The following MICAL1 variants were observed in gnomAD, a reference collection of about 807,000 sequenced individuals.
MICAL1 encodes microtubule associated monooxygenase, calponin and LIM domain containing 1, also known as [F-actin]-monooxygenase MICAL1.
Under a neutral mutation model 131.8 loss-of-function variants are expected in MICAL1, and 95 were observed. The ratio of observed to expected loss-of-function variants is 0.72; its 90% CI spans 0.61 to 0.86. The LOEUF (loss-of-function observed/expected upper bound fraction) is 0.86. Among genes scored for constraint, MICAL1 ranks in the 40% least tolerant of loss-of-function variants. The pLI is 0.00. For missense variants in MICAL1, 1,292 were observed against 1,380.6 expected, an observed-to-expected ratio of 0.94 and a Z score of 1.02; for synonymous variants, 546 against 554.2, an observed-to-expected ratio of 0.99 and a Z score of 0.21.
At chr6:109,458,595 CA>C (rs1481230427), upstream of MICAL1, among the ~76,000 whole-genome samples, 166 of 151,032 alleles carry the variant, frequency 1.1e-3, 3 homozygotes, top group Non-Finnish European at 2.4e-4. Flanking sequence ...AAACTCCGTC[CA>C]AAAAAAGAAA....
chr6:109,447,995 G>A, intron 13 of MICAL1, 32 bp from the exon 14 acceptor site: 1 of 1,568,372 alleles, frequency 6.4e-7, no homozygotes, highest in Non-Finnish European at 8.7e-7. Context: ...CAGTGTGGAT[G>A]GGGGGTGCCA....
At chr6:109,444,567 G>C (rs549135699) in intron 24 of MICAL1, among the ~76,000 whole-genome samples, 158 bp downstream of exon 24, 1 of 152,338 alleles carries the variant, frequency 6.6e-6, no homozygotes, top group East Asian at 1.9e-4. Flanking sequence ...TTGAACTGAA[G>C]TGAGAAGGGG....
rs1775310490 is a variant in MICAL1 at position 109,447,931 on chromosome 6, T to C, written c.1888A>G (p.Ser630Gly). The change falls in exon 14 of 25, where the codon AGT (serine) becomes GGT (glycine). Residue 630 changes from serine to glycine, a missense_variant. By Grantham distance (56) the Ser-to-Gly change is moderately conservative. Coordinates refer to ENST00000358807, the MANE Select transcript of MICAL1 (RefSeq NM_022765.4). ...PVSQASPGTS[S>G]AVLFLSKLQR... Reference sequence around the variant, plus strand: ...AGTTTACTAAGGAATAATACAGCACTGGAGGTCCCTGGGGAGGCCTGGCTG... The same window carrying C: ...AGTTTACTAAGGAATAATACAGCACCGGAGGTCCCTGGGGAGGCCTGGCTG... The C allele has an allele frequency of 6.2e-7, 1 of 1,612,482 alleles. No homozygotes were observed. The highest frequency in any genetic ancestry group is 8.5e-7 in the Non-Finnish European group (1 of 1,179,254).
rs772465404 is a variant in MICAL1 at position 109,451,670 on chromosome 6, T to C, written c.863A>G (p.Lys288Arg). The change falls in exon 7 of 25, where the codon AAG becomes AGG. Residue 288 changes from lysine (K) to arginine (R), a missense_variant. Coordinates refer to ENST00000358807, the MANE Select transcript of MICAL1 (RefSeq NM_022765.4). ...GIDLENIVYYKDDTHYFVMTA... is the reference protein window; with the variant it reads ...GIDLENIVYYRDDTHYFVMTA... ...CATCACAAAGTAGTGGGTGTCGTCC[T>C]TGTAGTACACAATGTTCTCCAGATC... 6.2e-7 allele frequency: 1 copy of C among 1,614,042 alleles called. No homozygotes were observed. The highest frequency in any genetic ancestry group is 1.1e-5 in the South Asian group (1 of 91,090).
At position 109,446,787 on chromosome 6, in the gene MICAL1, G is replaced by A; in HGVS notation, c.2228-15C>T. ...GTAGAAATGTCCTGGAAAGGGTAGA[G>A]AGGGGAGGAGGCATTTGGTGTGGGC... On this transcript the variant is annotated splice_polypyrimidine_tract_variant and intron_variant, in intron 17 of 24. Coordinates refer to ENST00000358807, the MANE Select transcript of MICAL1 (RefSeq NM_022765.4). 6.2e-7 allele frequency: 1 copy of A among 1,610,634 alleles called. No individual in the cohort carries two copies. Among genetic ancestry groups the A allele is most frequent in the South Asian group, 1.1e-5 (1 of 90,550 alleles).
chr6:109,452,021 A>T, intron 6 of MICAL1: 1 of 1,406,820 alleles, frequency 7.1e-7, no homozygotes, highest in Non-Finnish European at 9.2e-7. Context: ...ACTCCCATAC[A>T]CAGGTTCATC....
At chr6:109,462,225 G>C (rs921218462) in intron 1 of MICAL1, among the ~76,000 whole-genome samples, 1 of 152,166 alleles carries the variant, frequency 6.6e-6, no homozygotes, top group African/African-American at 2.4e-5. Flanking sequence ...ATACAGGCAG[G>C]GGAAGACAAC....
At chr6:109,453,199 T>C (rs1775611053) in intron 4 of MICAL1, 64 bp downstream of exon 4, 1 of 1,365,478 alleles carries the variant, frequency 7.3e-7, no homozygotes, top group Admixed American at 1.7e-5. Context: ...CCCATCCTTT[T>C]TCAGACACTG....
At chr6:109,460,682 G>C (rs1775864327), upstream of MICAL1, among the ~76,000 whole-genome samples, 1 of 152,050 alleles carries the variant, frequency 6.6e-6, no homozygotes, top group Admixed American at 6.6e-5. Context: ...GGCAAGGCAA[G>C]CAGATTTTTC....
upstream of MICAL1, among the ~76,000 whole-genome samples, chr6:109,456,710 T>A (rs749506844): frequency 2.0e-5 from 3 of 152,218 alleles, no homozygotes; most frequent in Non-Finnish European, 2.9e-5. Flanking sequence ...GTCCAGTCTT[T>A]TAGCTAGTTA....
rs1775374359 is a variant in MICAL1, at chr6:109,448,831, G to A, written c.1565C>T (p.Thr522Ile). 2.5e-6 allele frequency: 4 copies of A among 1,613,914 alleles called. No individual in the cohort carries two copies. The highest frequency in any genetic ancestry group is 1.1e-5 in the South Asian group (1 of 91,096). ...EELLRWCQEQ[T>I]AGYPGVHVSD... ...GACGTGGACTCCCGGGTACCCAGCT[G>A]TCTGCTCCTGGCACCAGCGTAGCAG... Residue 522 changes from threonine (T) to isoleucine (I), a missense_variant, in exon 12 of 25, where the codon ACA becomes ATA. Coordinates refer to ENST00000358807, the MANE Select transcript of MICAL1 (RefSeq NM_022765.4).
chr6:109,447,502 G>A (rs1472997378), intron 15 of MICAL1, 62 bp from the exon 16 acceptor site: 29 of 1,554,162 alleles, frequency 1.9e-5, no homozygotes, highest in Admixed American at 3.4e-5. Flanking sequence ...GAGGGGATGC[G>A]TACAGATGAA....
In MICAL1 at chr6:109,444,095, AG is replaced by A; in HGVS notation, c.*95del. 1 of 1,521,460 alleles carries A rather than the reference AG, an allele frequency of 6.6e-7. No homozygotes were observed. Among genetic ancestry groups the A allele is most frequent in the Admixed American group, 2.1e-5 (1 of 46,704 alleles). 94.2% of individuals were successfully genotyped at this position (1,521,460 alleles called of 1,614,324 possible). ...AGAAACATTTTAATTGTAAACAGCAAGGCTCTCTGCCAGGCAGCCCAGATGA... is the reference window on the plus strand; with the variant it reads ...AGAAACATTTTAATTGTAAACAGCAAGCTCTCTGCCAGGCAGCCCAGATGA... On this transcript the variant is annotated 3_prime_UTR_variant, in exon 25 of 25. Transcript: ENST00000358807.
At chr6:109,445,925 G>C (rs1775196563) in intron 19 of MICAL1, 63 bp from the exon 20 acceptor site, 1 of 1,557,262 alleles carries the variant, frequency 6.4e-7, no homozygotes, top group Non-Finnish European at 8.7e-7. Flanking sequence ...GCAACAAAGA[G>C]CATGGTGGTG....
chr6:109,446,465 A>C, intron 18 of MICAL1, 53 bp from the exon 19 acceptor site: 1 of 756,062 alleles, frequency 1.3e-6, no homozygotes, highest in Non-Finnish European at 1.9e-6. Context: ...ACCCCTTCGG[A>C]GCAAAGGTGA....
chr6:109,445,392 A>T (rs758884228), intron 21 of MICAL1, 24 bp downstream of exon 21: 20 of 1,613,810 alleles, frequency 1.2e-5, no homozygotes, highest in Non-Finnish European at 1.5e-5. Flanking sequence ...CCCCATCAGA[A>T]TTTTGGGAAC....
At chr6:109,446,961 C>G in intron 17 of MICAL1, 112 bp downstream of exon 17, 1 of 1,385,126 alleles carries the variant, frequency 7.2e-7, no homozygotes, top group Admixed American at 2.1e-5. Flanking sequence ...CTCAGGAGAA[C>G]GAAGTGCCAT....
At chr6:109,449,278 C>T in intron 11 of MICAL1, 122 bp downstream of exon 11, 1 of 1,097,608 alleles carries the variant, frequency 9.1e-7, no homozygotes, top group Non-Finnish European at 1.4e-6. Flanking sequence ...AACCCACCAG[C>T]CAACAATGAG....
At chr6:109,453,418 C>T (rs927822209) in intron 3 of MICAL1, 51 bp from the exon 4 acceptor site, 3 of 1,582,806 alleles carry the variant, frequency 1.9e-6, no homozygotes, top group Non-Finnish European at 1.7e-6. Context: ...GCACAAGCTC[C>T]CCATGTACCA....
Sources: allele counts gnomAD v4.1 joint callset (sites outside exome capture counted in the v4.1 genomes callset), GRCh38; gene constraint gnomAD v4.1.1; transcripts MANE v1.5; gene names NCBI Gene and HGNC (gene_info 2026-07-23, HGNC 2026-07-21).